The following AMTN variants were observed in gnomAD, a reference collection of about 807,000 sequenced individuals.
The protein encoded by AMTN is RSTI689.
Under a neutral mutation model 27.4 loss-of-function variants are expected in AMTN, and 29 were observed. That is an observed-to-expected ratio of 1.06 (90% CI 0.79 to 1.44). The LOEUF (loss-of-function observed/expected upper bound fraction) is 1.44, where lower values mean the gene tolerates loss of function less well. Among genes scored for constraint, AMTN ranks in the 40% most tolerant of loss-of-function variants. The pLI, the probability that AMTN is intolerant of heterozygous loss-of-function variation, is 0.00. For missense variants in AMTN, 247 were observed against 248.8 expected, an observed-to-expected ratio of 0.99 and a Z score of 0.05; for synonymous variants, 86 against 95.7, an observed-to-expected ratio of 0.90 and a Z score of 0.59.
rs773319021 is a variant in AMTN, at chr4:70,524,911, C to A, written c.244C>A (p.His82Asn). 7.4e-6 allele frequency: 12 copies of A among 1,614,054 alleles called. No homozygotes were observed. The South Asian group carries it at 1.2e-4, about 16-fold the overall frequency. ...AAGMTPGTQT[H>N]PLTLGGLNVQ... ...AGGAATGACACCTGGTACCCAGACCCACCCATTGACCCTGGGAGGGTTGAA... is the reference window on the plus strand; with the variant it reads ...AGGAATGACACCTGGTACCCAGACCAACCCATTGACCCTGGGAGGGTTGAA... The change falls in exon 5 of 9, where the codon CAC becomes AAC. Residue 82 changes from histidine to asparagine, a missense_variant. Physicochemically the swap from His to Asn is moderately conservative, Grantham distance 68. Coordinates refer to ENST00000339336, the MANE Select transcript of AMTN (RefSeq NM_212557.4).
At chr4:70,524,484 C>T (rs1471749619) in intron 4 of AMTN, among the ~76,000 whole-genome samples, 7 of 152,088 alleles carry the variant, frequency 4.6e-5, no homozygotes, top group Non-Finnish European at 7.4e-5. Flanking sequence ...GTCTGAACCT[C>T]ATAATTTTCA....
intron 2 of AMTN, among the ~76,000 whole-genome samples, chr4:70,519,715 T>G (rs566952736): frequency 1.3e-5 from 2 of 152,284 alleles, no homozygotes; most frequent in East Asian, 3.9e-4. Context: ...TTTTAACTTT[T>G]TTTTTATTTT....
At chr4:70,529,967 T>C (rs1049459501) in intron 7 of AMTN, among the ~76,000 whole-genome samples, 3 of 151,256 alleles carry the variant, frequency 2.0e-5, no homozygotes, top group Non-Finnish European at 4.4e-5. Flanking sequence ...TTCTTCTATA[T>C]AACCAGCACT....
intron 2 of AMTN, among the ~76,000 whole-genome samples, chr4:70,519,498 A>G (rs1243547561): frequency 1.5e-5 from 2 of 132,968 alleles, no homozygotes; most frequent in African/African-American, 5.2e-5. Flanking sequence ...TATACTTGCT[A>G]TGAAATAACA....
chr4:70,519,512 TAAAA>T (rs10645812), intron 2 of AMTN, among the ~76,000 whole-genome samples: 67,410 of 151,610 alleles, frequency 0.44, 15,735 homozygotes, highest in Admixed American at 0.52. Flanking sequence ...AATAACAGAA[TAAAA>T]GAAAGCATAC....
intron 5 of AMTN, among the ~76,000 whole-genome samples, chr4:70,528,440 G>A (rs979717310): frequency 1.3e-5 from 2 of 152,130 alleles, no homozygotes; most frequent in African/African-American, 4.8e-5. Flanking sequence ...CACAATGTCA[G>A]GAGTTTGAGA....
intron 3 of AMTN, among the ~76,000 whole-genome samples, chr4:70,523,177 G>A (rs1022703536): frequency 6.6e-6 from 1 of 152,158 alleles, no homozygotes; most frequent in Non-Finnish European, 1.5e-5. Context: ...AGGTACTGTG[G>A]CATTATCATA....
chr4:70,521,674 T>G (rs1225146915), intron 2 of AMTN, among the ~76,000 whole-genome samples: 2 of 76,114 alleles, frequency 2.6e-5, no homozygotes, highest in African/African-American at 4.8e-5. Flanking sequence ...TTTTTTTTTT[T>G]TTGTGAGACA....
intron 5 of AMTN, 45 bp from the exon 6 acceptor site, chr4:70,528,678 C>G (rs763387508): frequency 1.9e-6 from 3 of 1,567,136 alleles, no homozygotes. Flanking sequence ...TTTATACCAT[C>G]TTCCAGAGCT....
rs779660073 is a variant in AMTN, at chr4:70,522,854, T to A, written c.138+16T>A. ...GTCAAATCAGGTAAGAGTCCTACAATATGGAACATGTACAAACCGGTAAAG... is the reference window on the plus strand; with the variant it reads ...GTCAAATCAGGTAAGAGTCCTACAAAATGGAACATGTACAAACCGGTAAAG... On this transcript the variant is annotated intron_variant, in intron 3 of 8. Transcript: ENST00000339336. 2 of 1,610,176 alleles carry A rather than the reference T, an allele frequency of 1.2e-6. No individual in the cohort carries two copies. The highest frequency in any genetic ancestry group is 1.1e-5 in the South Asian group (1 of 90,980).
intron 6 of AMTN, 89 bp downstream of exon 6, chr4:70,528,847 G>A (rs1736154865): frequency 1.7e-6 from 2 of 1,153,352 alleles, no homozygotes; most frequent in Non-Finnish European, 2.4e-6. Flanking sequence ...ATAGTTGTGA[G>A]GTTTCCAATG....
intron 2 of AMTN, 31 bp from the exon 3 acceptor site, chr4:70,522,724 C>T (rs1340923139): frequency 2.5e-6 from 4 of 1,604,506 alleles, no homozygotes; most frequent in Middle Eastern, 1.7e-4. Context: ...ACATTCCTGC[C>T]TCATCAAATA....
intron 2 of AMTN, among the ~76,000 whole-genome samples, chr4:70,520,256 G>A (rs1040857731): frequency 6.6e-6 from 1 of 152,122 alleles, no homozygotes; most frequent in East Asian, 1.9e-4. Context: ...AGGGCAGCAG[G>A]GAGGCGACAC....
At position 70,518,640 on chromosome 4, in the gene AMTN, C is replaced by A; in HGVS notation, c.-30C>A. The A allele has an allele frequency of 1.5e-6, 1 of 687,282 alleles. No individual in the cohort carries two copies. The highest frequency in any genetic ancestry group is 1.8e-5 in the South Asian group (1 of 55,568). 42.6% of individuals were successfully genotyped at this position (687,282 alleles called of 1,614,324 possible). ...GGACCTTGAGTATTGTACATTTTGC[C>A]TCGTGGACCCAAAGGTAACATTAAT... On this transcript the variant is annotated 5_prime_UTR_variant, in exon 1 of 9. Coordinates refer to ENST00000339336, the MANE Select transcript of AMTN (RefSeq NM_212557.4).
chr4:70,526,800 C>G (rs556149048), intron 5 of AMTN, among the ~76,000 whole-genome samples: 45 of 152,272 alleles, frequency 3.0e-4, no homozygotes, highest in African/African-American at 1.1e-3. Context: ...GTTGTACACT[C>G]TCTGTGCAAT....
chr4:70,518,953 T>A (rs1261774300), intron 2 of AMTN, 122 bp downstream of exon 2: 7 of 788,794 alleles, frequency 8.9e-6, no homozygotes, highest in African/African-American at 1.7e-5. Context: ...CCTGAGAGTG[T>A]CCAGTGTTTA....
chr4:70,529,159 A>G, intron 6 of AMTN, 25 bp from the exon 7 acceptor site: 1 of 1,537,438 alleles, frequency 6.5e-7, no homozygotes, highest in Non-Finnish European at 8.7e-7. Flanking sequence ...TGTCTAACAA[A>G]TTGTGTTTGT....
intron 5 of AMTN, 99 bp downstream of exon 5, chr4:70,525,060 GC>G: frequency 2.7e-6 from 3 of 1,118,388 alleles, no homozygotes; most frequent in African/African-American, 1.6e-5. Context: ...TGAAAATTTT[GC>G]CCAGATTATT....
intron 8 of AMTN, among the ~76,000 whole-genome samples, chr4:70,531,936 A>T (rs1240379742): frequency 6.6e-6 from 1 of 152,260 alleles, no homozygotes; most frequent in Non-Finnish European, 1.5e-5. Flanking sequence ...GATTGCAGGC[A>T]TGAGCCGCCA....
Sources: allele counts gnomAD v4.1 joint callset (sites outside exome capture counted in the v4.1 genomes callset), GRCh38; gene constraint gnomAD v4.1.1; transcripts MANE v1.5; gene names NCBI Gene and HGNC (gene_info 2026-07-23, HGNC 2026-07-21).